SETX: variants seen among roughly 807,000 people sequenced by gnomAD.
The protein encoded by SETX is senataxin.
SETX carries 90 observed loss-of-function variants against 227.2 expected under a neutral mutation model. That is an observed-to-expected ratio of 0.40 (90% CI 0.33 to 0.47). SETX has a LOEUF of 0.47. Among genes scored for constraint, SETX ranks in the 20% least tolerant of loss-of-function variants. The probability of loss-of-function intolerance (pLI) is 0.91; values close to 1 mark genes in which losing one functional copy is unlikely to be tolerated. For synonymous variants in SETX, 1,210 were observed against 1,113.2 expected, an observed-to-expected ratio of 1.09 and a Z score of -1.73; for missense variants, 3,052 against 3,181.5, an observed-to-expected ratio of 0.96 and a Z score of 0.98.
chr9:132,322,058 C>G (rs1589724129), intron 10 of SETX, among the ~76,000 whole-genome samples: 1 of 152,092 alleles, frequency 6.6e-6, no homozygotes, highest in African/African-American at 2.4e-5. Context: ...CTGGGTTTTA[C>G]CCTGCTATGG....
At position 132,326,494 on chromosome 9, in the gene SETX, CGAA is replaced by C; in HGVS notation, c.5101_5103del (p.Phe1701del). ...TATTTCCATTTTAAGACCTCTTTAACGAAGGTGTCAGAGACAGACTGTGATGAC... is the reference window on the plus strand; with the variant it reads ...TATTTCCATTTTAAGACCTCTTTAACGGTGTCAGAGACAGACTGTGATGAC... On this transcript the variant is annotated inframe_deletion, in exon 10 of 26. Coordinates refer to ENST00000224140, the MANE Select transcript of SETX (RefSeq NM_015046.7). 6.2e-7 allele frequency: 1 copy of C among 1,614,106 alleles called. No homozygotes were observed. The highest frequency in any genetic ancestry group is 8.5e-7 in the Non-Finnish European group (1 of 1,180,028).
Position 132,346,327 on chromosome 9 carries a change from T to C in SETX, c.322A>G (p.Asn108Asp). Residue 108 changes from asparagine (N) to aspartate (D), a missense_variant, in exon 4 of 26, where the codon AAT (asparagine) becomes GAT (aspartate). Physicochemically the swap from Asn to Asp is conservative, Grantham distance 23. Transcript: ENST00000224140. ...LFDITGQDFE[N>D]KLRVPLLEIL... Reference sequence around the variant, plus strand: ...TCAAGAAGAGGAACTCGAAGCTTATTTTCAAAGTCTTGCCCAGTGATGTCA... The same window carrying C: ...TCAAGAAGAGGAACTCGAAGCTTATCTTCAAAGTCTTGCCCAGTGATGTCA... 6.2e-7 allele frequency: 1 copy of C among 1,614,066 alleles called. No individual in the cohort carries two copies. The highest frequency in any genetic ancestry group is 8.5e-7 in the Non-Finnish European group (1 of 1,179,976).
intron 12 of SETX, among the ~76,000 whole-genome samples, chr9:132,300,111 CA>C (rs1222151858): frequency 1.0e-5 from 1 of 96,230 alleles, no homozygotes; most frequent in African/African-American, 4.2e-5. Context: ...GCCTGGACAA[CA>C]AGAGTGAAAC....
intron 11 of SETX, among the ~76,000 whole-genome samples, chr9:132,308,019 G>T (rs1039157559): frequency 1.3e-5 from 2 of 152,166 alleles, no homozygotes; most frequent in African/African-American, 4.8e-5. Context: ...TGGTCAAGCA[G>T]CAAGTATTTA....
chr9:132,344,512 T>C (rs1398307553), intron 4 of SETX, among the ~76,000 whole-genome samples: 1 of 152,188 alleles, frequency 6.6e-6, no homozygotes, highest in East Asian at 1.9e-4. Flanking sequence ...TAGATTCTAA[T>C]TTAAGCAAAT....
chr9:132,296,958 A>G lies in SETX; in HGVS notation c.5878T>C (p.Leu1960=), dbSNP rs745497258. 15 of 1,614,176 alleles carry G rather than the reference A, an allele frequency of 9.3e-6. No individual in the cohort carries two copies. The South Asian group carries it at 1.6e-4, about 18-fold the overall frequency. The change falls in exon 14 of 26, where the codon TTG becomes CTG. Residue 1960 remains leucine (L), a synonymous_variant. Transcript: ENST00000224140. ...KHSPSVAKIC[L]IHGPPGTGKS... ...CCTGTTCCAGGTGGTCCATGAATCA[A>G]GCAGATTTTGGCAACTGATGGTGAG...
chr9:132,285,552 C>T (rs1843808851), intron 18 of SETX, among the ~76,000 whole-genome samples: 1 of 151,760 alleles, frequency 6.6e-6, no homozygotes, highest in African/African-American at 2.4e-5. Flanking sequence ...TCCAGACCAG[C>T]ATGGCCAACA....
At chr9:132,323,719 T>A (rs1454973672) in intron 10 of SETX, among the ~76,000 whole-genome samples, 4 of 151,924 alleles carry the variant, frequency 2.6e-5, no homozygotes, top group Non-Finnish European at 4.4e-5. Flanking sequence ...CTAGGCAACA[T>A]GGGAAAAACT....
At position 132,264,972 on chromosome 9, in the gene SETX, CAATGCTGGTTTTCCTTG is replaced by C; in HGVS notation, c.7288-4_7300del. The C allele has an allele frequency of 6.2e-7, 1 of 1,613,698 alleles. No homozygotes were observed. Among genetic ancestry groups the C allele is most frequent in the Non-Finnish European group, 8.5e-7 (1 of 1,179,998 alleles). Reference sequence around the variant, plus strand: ...CTGAGCATCCTGAATCAGCTGATTCCAATGCTGGTTTTCCTTGAAACAATGAGAAGGGAGAAATAATT... The same window carrying C: ...CTGAGCATCCTGAATCAGCTGATTCCAAACAATGAGAAGGGAGAAATAATT... On this transcript the variant is annotated splice_acceptor_variant and splice_polypyrimidine_tract_variant and coding_sequence_variant and intron_variant, in exon 26 of 26. Coordinates refer to ENST00000224140, the MANE Select transcript of SETX (RefSeq NM_015046.7). LOFTEE classifies it high-confidence loss of function.
intron 24 of SETX, 80 bp from the exon 25 acceptor site, chr9:132,269,782 G>A: frequency 2.9e-6 from 4 of 1,365,982 alleles, no homozygotes; most frequent in Non-Finnish European, 4.2e-6. Context: ...ACTCTAGAAT[G>A]ACTCAACGTG....
rs1475723699 is a variant in SETX, at chr9:132,264,396, T to G, written c.7877A>C (p.Glu2626Ala). Residue 2626 changes from glutamate to alanine, a missense_variant, in exon 26 of 26, where the codon GAA becomes GCA. By Grantham distance (107) the Glu-to-Ala change is moderately radical. Coordinates refer to ENST00000224140, the MANE Select transcript of SETX (RefSeq NM_015046.7). ...CTCTCTCCTGTGACAGAGCTCCTCTTCCGGGTCATCACATTTGCTCTGACA... is the reference window on the plus strand; with the variant it reads ...CTCTCTCCTGTGACAGAGCTCCTCTGCCGGGTCATCACATTTGCTCTGACA... ...STCQSKCDDP[E>A]EELCHRREAR... The G allele has an allele frequency of 3.1e-6, 5 of 1,614,108 alleles. No individual in the cohort carries two copies. Among genetic ancestry groups the G allele is most frequent in the East Asian group, 2.2e-5 (1 of 44,882 alleles).
At chr9:132,305,835 A>C (rs543135862) in intron 11 of SETX, among the ~76,000 whole-genome samples, 2 of 152,318 alleles carry the variant, frequency 1.3e-5, no homozygotes, top group South Asian at 4.1e-4. Context: ...CAGAAAACAG[A>C]CATTTGTGGG....
Position 132,329,735 on chromosome 9 carries a change from T to C in SETX, c.1863A>G (p.Lys621=). ...ACKISPASYN[K]EESEQMGKTS... is the part of the protein sequence containing the mutation. ...TCTTCCCCATTTGTTCACTTTCTTC[T>C]TTATTATAAGATGCAGGAGAGATTT... Residue 621 remains lysine (K), a synonymous_variant, in exon 10 of 26, where the codon AAA becomes AAG. Coordinates refer to ENST00000224140, the MANE Select transcript of SETX (RefSeq NM_015046.7). The C allele has an allele frequency of 6.2e-7, 1 of 1,614,140 alleles. No individual in the cohort carries two copies. Among genetic ancestry groups the C allele is most frequent in the Non-Finnish European group, 8.5e-7 (1 of 1,180,016 alleles).
intron 15 of SETX, among the ~76,000 whole-genome samples, chr9:132,294,504 ATGTAT>A (rs769070235): frequency 3.9e-5 from 6 of 152,248 alleles, no homozygotes; most frequent in African/African-American, 1.2e-4. Flanking sequence ...GAGACTGACA[ATGTAT>A]TGTATGTTTT....
intron 7 of SETX, among the ~76,000 whole-genome samples, 197 bp downstream of exon 7, chr9:132,334,411 G>C (rs544955144): frequency 2.7e-4 from 41 of 152,290 alleles, no homozygotes; most frequent in African/African-American, 9.4e-4. Context: ...TCGCACCATT[G>C]CACTCCAGCC....
intron 20 of SETX, among the ~76,000 whole-genome samples, chr9:132,279,058 C>T (rs1843346528): frequency 6.6e-6 from 1 of 152,076 alleles, no homozygotes; most frequent in African/African-American, 2.4e-5. Context: ...ATAAAGTCAG[C>T]ACTTGGGAAG....
chr9:132,334,949 A>G (rs940145872), intron 6 of SETX, among the ~76,000 whole-genome samples: 23 of 152,218 alleles, frequency 1.5e-4, no homozygotes, highest in Non-Finnish European at 3.1e-4. Context: ...AATTTCTAAC[A>G]TAACTACCAT....
intron 10 of SETX, among the ~76,000 whole-genome samples, chr9:132,314,048 C>T (rs1259889236): frequency 2.0e-5 from 3 of 152,134 alleles, no homozygotes; most frequent in Non-Finnish European, 4.4e-5. Context: ...TCTCCCGCCT[C>T]CGCCTCCCAT....
At chr9:132,317,088 CA>C (rs1483116266) in intron 10 of SETX, among the ~76,000 whole-genome samples, 1 of 152,230 alleles carries the variant, frequency 6.6e-6, no homozygotes, top group Non-Finnish European at 1.5e-5. Context: ...CCATTTTGAA[CA>C]AGACTAAACA....
Sources: gnomAD v4.1 joint callset for allele counts (sites outside exome capture counted in the v4.1 genomes callset) on GRCh38, gnomAD v4.1.1 for gene constraint, MANE v1.5 for transcripts, NCBI Gene and HGNC (gene_info 2026-07-23, HGNC 2026-07-21) for gene names.